Variants in TTC28 observed in about 807,000 individuals in gnomAD.
The protein encoded by TTC28 is tetratricopeptide repeat protein 28.
TTC28 carries 61 observed loss-of-function variants against 198.0 expected under a neutral mutation model. The observed-to-expected ratio is 0.31, with a 90% CI of 0.25 to 0.38. TTC28 has a LOEUF of 0.38. TTC28 is among the 10% of genes least tolerant of loss of function. TTC28 has a pLI of 1.00. For synonymous variants in TTC28, 1,171 were observed against 1,297.8 expected, an observed-to-expected ratio of 0.90 and a Z score of 2.10; for missense variants, 2,678 against 3,164.0, an observed-to-expected ratio of 0.85 and a Z score of 3.69.
At chr22:28,578,287 T>C (rs964514815) in intron 2 of TTC28, among the ~76,000 whole-genome samples, 2 of 152,174 alleles carry the variant, frequency 1.3e-5, no homozygotes, top group Non-Finnish European at 2.9e-5. Context: ...TTTTTAACTT[T>C]TGTTGTTTAT....
intron 2 of TTC28, among the ~76,000 whole-genome samples, chr22:28,574,047 C>G (rs761874827): frequency 9.8e-5 from 15 of 152,300 alleles, no homozygotes; most frequent in Non-Finnish European, 1.2e-4. Context: ...GAGTCCCACT[C>G]TGTCACCCAG....
At chr22:28,622,635 G>GA (rs1162691637) in intron 2 of TTC28, among the ~76,000 whole-genome samples, 1 of 151,796 alleles carries the variant, frequency 6.6e-6, no homozygotes, top group Non-Finnish European at 1.5e-5. Flanking sequence ...AATAAATGAA[G>GA]AAAAAAGTCC....
intron 12 of TTC28, among the ~76,000 whole-genome samples, chr22:28,086,506 T>G (rs1024002375): frequency 7.2e-5 from 11 of 152,040 alleles, no homozygotes; most frequent in Non-Finnish European, 8.8e-5. Context: ...TGGGACACGT[T>G]CAAAGCAGTG....
intron 2 of TTC28, among the ~76,000 whole-genome samples, chr22:28,454,545 A>C (rs1275240263): frequency 6.6e-6 from 1 of 152,210 alleles, no homozygotes; most frequent in Non-Finnish European, 1.5e-5. Context: ...GTAAGTCAGA[A>C]GATACTTAAC....
chr22:27,995,206 C>T (rs1451465442), intron 17 of TTC28, among the ~76,000 whole-genome samples: 1 of 152,174 alleles, frequency 6.6e-6, no homozygotes, highest in Non-Finnish European at 1.5e-5. Context: ...GCTGCATCGA[C>T]GCTGCCCCCG....
At chr22:28,281,187 A>C (rs1299537586) in intron 5 of TTC28, among the ~76,000 whole-genome samples, 1 of 152,106 alleles carries the variant, frequency 6.6e-6, no homozygotes, top group Non-Finnish European at 1.5e-5. Flanking sequence ...TCTCTTTTGC[A>C]TCATTATCTC....
intron 12 of TTC28, among the ~76,000 whole-genome samples, chr22:28,065,341 T>C (rs193043341): frequency 5.9e-5 from 9 of 152,328 alleles, no homozygotes; most frequent in Non-Finnish European, 1.3e-4. Context: ...ACATACTTAG[T>C]CCTCAATTCT....
At chr22:28,484,978 T>C (rs1365881931) in intron 2 of TTC28, among the ~76,000 whole-genome samples, 2 of 152,194 alleles carry the variant, frequency 1.3e-5, no homozygotes, top group Non-Finnish European at 2.9e-5. Flanking sequence ...AAGTCCAGTA[T>C]ATTTTTACTA....
chr22:28,050,567 G>C (rs1188327279), intron 12 of TTC28, among the ~76,000 whole-genome samples: 1 of 152,208 alleles, frequency 6.6e-6, no homozygotes, highest in African/African-American at 2.4e-5. Flanking sequence ...CAAGGGGTTT[G>C]AGATGCACGA....
At chr22:28,435,830 A>G (rs903572182) in intron 2 of TTC28, among the ~76,000 whole-genome samples, 2 of 152,192 alleles carry the variant, frequency 1.3e-5, no homozygotes, top group Non-Finnish European at 2.9e-5. Context: ...TACAGAATCA[A>G]AAATATTTAG....
At chr22:28,097,984 C>T (rs1031715631) in intron 10 of TTC28, among the ~76,000 whole-genome samples, 1 of 152,188 alleles carries the variant, frequency 6.6e-6, no homozygotes, top group African/African-American at 2.4e-5. Context: ...CCTTCCTATA[C>T]ATACAGCAAA....
chr22:28,605,272 A>G (rs1484128721), intron 2 of TTC28, among the ~76,000 whole-genome samples: 1 of 152,120 alleles, frequency 6.6e-6, no homozygotes, highest in East Asian at 1.9e-4. Flanking sequence ...TTTGGCAAAA[A>G]CTCTTAGATA....
Position 28,435,181 on chromosome 22 carries a change from G to GT in TTC28, c.382-128539dup, listed in dbSNP as rs2047500783. ...TGTAAGTCAAAGAACATAATTTTATGTTTTTTCTTAAAATGCATGCAAAAA... is the reference window on the plus strand; with the variant it reads ...TGTAAGTCAAAGAACATAATTTTATGTTTTTTTCTTAAAATGCATGCAAAAA... On this transcript the variant is annotated intron_variant, in intron 2 of 22. Transcript: ENST00000397906. 3.9e-5 allele frequency among the ~76,000 whole-genome samples: 6 copies of GT among 152,238 alleles called. No individual in the cohort carries two copies. The South Asian group carries it at 1.2e-3, about 32-fold the overall frequency.
intron 6 of TTC28, among the ~76,000 whole-genome samples, chr22:28,162,567 T>C (rs928988177): frequency 1.3e-5 from 2 of 152,218 alleles, no homozygotes; most frequent in African/African-American, 4.8e-5. Context: ...TGTTTTGTTT[T>C]TCCAGTATCT....
chr22:28,486,166 T>C (rs2048312481), intron 2 of TTC28, among the ~76,000 whole-genome samples: 1 of 152,184 alleles, frequency 6.6e-6, no homozygotes, highest in Non-Finnish European at 1.5e-5. Context: ...TTGTCTTGTC[T>C]AAAGTATACT....
At chr22:28,673,935 G>T (rs1776851297) in intron 1 of TTC28, among the ~76,000 whole-genome samples, 3 of 152,144 alleles carry the variant, frequency 2.0e-5, no homozygotes, top group Admixed American at 2.0e-4. Flanking sequence ...TTTAAAGGAA[G>T]AAAGATTGTA....
At chr22:28,161,776 G>A (rs1267478865) in intron 6 of TTC28, among the ~76,000 whole-genome samples, 4 of 143,460 alleles carry the variant, frequency 2.8e-5, no homozygotes, top group Non-Finnish European at 1.5e-5. Flanking sequence ...GAGGAAGGAA[G>A]AGAGGAATGG....
At chr22:28,419,156 C>G (rs1055066223) in intron 2 of TTC28, among the ~76,000 whole-genome samples, 2 of 152,166 alleles carry the variant, frequency 1.3e-5, no homozygotes, top group African/African-American at 4.8e-5. Context: ...GGAATCATAA[C>G]TAAGAATCCT....
intron 2 of TTC28, among the ~76,000 whole-genome samples, chr22:28,607,562 TAC>T (rs1193033132): frequency 2.6e-5 from 4 of 152,204 alleles, no homozygotes; most frequent in Non-Finnish European, 2.9e-5. Flanking sequence ...TTATTCTGAA[TAC>T]AGTGTTTGAC....
Sources: allele counts gnomAD v4.1 joint callset (sites outside exome capture counted in the v4.1 genomes callset), GRCh38; gene constraint gnomAD v4.1.1; transcripts MANE v1.5; gene names NCBI Gene and HGNC (gene_info 2026-07-23, HGNC 2026-07-21).